The following NTRK2 variants were observed in gnomAD, a reference collection of about 807,000 sequenced individuals.
The protein encoded by NTRK2 is BDNF/NT-3 growth factors receptor.
NTRK2 carries 13 observed loss-of-function variants against 94.5 expected under a neutral mutation model. The observed-to-expected ratio is 0.14, with a 90% CI of 0.09 to 0.22. The LOEUF is 0.22. NTRK2 is among the 10% of genes least tolerant of loss of function. NTRK2 has a pLI of 1.00. For missense variants in NTRK2, 639 were observed against 1,071.2 expected (o/e 0.60, Z 5.63); for synonymous variants, 372 against 407.4 (o/e 0.91, Z 1.05).
intron 14 of NTRK2, among the ~76,000 whole-genome samples, chr9:84,881,339 G>A (rs1224687358): frequency 6.6e-6 from 1 of 152,158 alleles, no homozygotes; most frequent in Non-Finnish European, 1.5e-5. Context: ...GGTATATGTC[G>A]TATGTCTCTG....
chr9:84,729,963 C>T (rs2062724029), intron 9 of NTRK2, among the ~76,000 whole-genome samples: 1 of 152,146 alleles, frequency 6.6e-6, no homozygotes, highest in Non-Finnish European at 1.5e-5. Context: ...ATCATTTCTG[C>T]TAGTTTTTAC....
chr9:84,937,875 G>C (rs185461117), intron 15 of NTRK2, among the ~76,000 whole-genome samples: 5 of 152,234 alleles, frequency 3.3e-5, no homozygotes, highest in Admixed American at 3.3e-4. Context: ...ACATTTCCTT[G>C]TACTATGAAT....
chr9:85,004,547 C>G (rs2378675), intron 17 of NTRK2, among the ~76,000 whole-genome samples: 110,513 of 151,502 alleles, frequency 0.73, 40,936 homozygotes, highest in African/African-American at 0.82. Flanking sequence ...CACATAAATA[C>G]GTGTTTTGTT....
chr9:84,860,352 C>T (rs556565012), intron 12 of NTRK2, among the ~76,000 whole-genome samples: 6 of 152,250 alleles, frequency 3.9e-5, no homozygotes, highest in South Asian at 2.1e-4. Context: ...TCTTTTCTTA[C>T]ATGTGCCTAC....
Position 84,956,258 on chromosome 9 carries a change from G to A in NTRK2, c.2172+741G>A, listed in dbSNP as rs1267436150. On this transcript the variant is annotated intron_variant, in intron 17 of 18. Coordinates refer to ENST00000277120, the MANE Select transcript of NTRK2 (RefSeq NM_006180.6). ...GGTGAGATGGAAGAAGTTTTATCCTGCCTGTTCCTAGACACTTCCACACAG... is the reference window on the plus strand; with the variant it reads ...GGTGAGATGGAAGAAGTTTTATCCTACCTGTTCCTAGACACTTCCACACAG... Among the ~76,000 whole-genome samples, 3 of 152,320 alleles carry A rather than the reference G, an allele frequency of 2.0e-5. No individual in the cohort carries two copies. The East Asian group carries it at 5.8e-4, about 29-fold the overall frequency.
chr9:84,977,257 A>G (rs58768265), intron 17 of NTRK2, among the ~76,000 whole-genome samples: 33,337 of 152,156 alleles, frequency 0.22, 4,399 homozygotes, highest in African/African-American at 0.37. Flanking sequence ...ATCTGAATAA[A>G]GTGTATCTAA....
intron 2 of NTRK2, among the ~76,000 whole-genome samples, chr9:84,695,720 C>T (rs1446255175): frequency 1.3e-5 from 2 of 152,184 alleles, no homozygotes; most frequent in Admixed American, 1.3e-4. Context: ...CCTTTTAAGC[C>T]TTCACTGACC....
intron 6 of NTRK2, among the ~76,000 whole-genome samples, chr9:84,713,872 G>A (rs1023731723): frequency 1.3e-4 from 20 of 148,674 alleles, no homozygotes; most frequent in African/African-American, 4.5e-4. Flanking sequence ...TCACCACAAC[G>A]TAACTAGATG....
chr9:84,872,326 C>A, intron 14 of NTRK2: 1 of 1,105,258 alleles, frequency 9.0e-7, no homozygotes, highest in Non-Finnish European at 1.1e-6. Context: ...ACATACTAAC[C>A]AGCAAAATCC....
At chr9:84,934,116 C>T in intron 14 of NTRK2, 46 bp from the exon 15 acceptor site, 1 of 1,611,994 alleles carries the variant, frequency 6.2e-7, no homozygotes, top group African/African-American at 1.3e-5. Flanking sequence ...CTGCCTTCAC[C>T]TCCACATGCT....
chr9:84,677,650 T>C (rs867804229), intron 2 of NTRK2, among the ~76,000 whole-genome samples: 12 of 152,276 alleles, frequency 7.9e-5, no homozygotes, highest in African/African-American at 2.4e-4. Flanking sequence ...TAGGATCCTA[T>C]CTAATGTCTC....
intron 12 of NTRK2, among the ~76,000 whole-genome samples, chr9:84,851,017 C>T (rs987687832): frequency 2.0e-5 from 3 of 152,126 alleles, no homozygotes; most frequent in African/African-American, 7.2e-5. Context: ...GTCAGGGTTT[C>T]GCAATCTCAG....
chr9:84,948,394 A>C, intron 15 of NTRK2, 68 bp from the exon 16 acceptor site: 1 of 1,484,118 alleles, frequency 6.7e-7, no homozygotes, highest in African/African-American at 1.4e-5. Context: ...AATGAGATGG[A>C]TGTCTTTCCT....
intron 2 of NTRK2, among the ~76,000 whole-genome samples, chr9:84,687,089 T>A (rs1275363845): frequency 6.6e-6 from 1 of 152,164 alleles, no homozygotes; most frequent in Non-Finnish European, 1.5e-5. Context: ...TTTTTTTCCT[T>A]TTTTTGTGGA....
intron 2 of NTRK2, among the ~76,000 whole-genome samples, chr9:84,684,837 G>A (rs1056444091): frequency 2.0e-5 from 3 of 151,762 alleles, no homozygotes; most frequent in Non-Finnish European, 2.9e-5. Flanking sequence ...TTGAATTGAT[G>A]GCCTTTTCAA....
intron 6 of NTRK2, 100 bp from the exon 7 acceptor site, chr9:84,723,472 AT>A: frequency 7.3e-7 from 1 of 1,361,118 alleles, no homozygotes; most frequent in Non-Finnish European, 1.0e-6. Context: ...GCAATTAAAG[AT>A]TGATTTTTAA....
rs1405574173 is a variant in NTRK2, at chr9:84,724,208, G to A, written c.721-16G>A. On this transcript the variant is annotated splice_polypyrimidine_tract_variant and intron_variant, in intron 7 of 18. Coordinates refer to ENST00000277120, the MANE Select transcript of NTRK2 (RefSeq NM_006180.6). ...ATCCTAATCAAGGTTATTTTTGTCTGTTAATTCATTTGTAGAATGAAACAA... is the reference window on the plus strand; with the variant it reads ...ATCCTAATCAAGGTTATTTTTGTCTATTAATTCATTTGTAGAATGAAACAA... 6.2e-7 allele frequency: 1 copy of A among 1,613,922 alleles called. No homozygotes were observed. The highest frequency in any genetic ancestry group is 1.3e-5 in the African/African-American group (1 of 74,920).
chr9:84,794,432 G>A (rs995974538), intron 12 of NTRK2, among the ~76,000 whole-genome samples: 8 of 152,156 alleles, frequency 5.3e-5, no homozygotes, highest in Non-Finnish European at 7.4e-5. Flanking sequence ...TTAACATCAT[G>A]GCATAGCCAA....
intron 12 of NTRK2, among the ~76,000 whole-genome samples, chr9:84,816,557 G>C (rs1361677761): frequency 1.3e-5 from 2 of 151,924 alleles, no homozygotes; most frequent in Admixed American, 6.6e-5. Context: ...GAGGCGGGCG[G>C]ATCATGAGGT....
Sources: allele counts gnomAD v4.1 joint callset (sites outside exome capture counted in the v4.1 genomes callset), GRCh38; gene constraint gnomAD v4.1.1; transcripts MANE v1.5; gene names NCBI Gene and HGNC (gene_info 2026-07-23, HGNC 2026-07-21).